TUSC3: variants seen among roughly 807,000 people sequenced by gnomAD.
TUSC3 encodes tumor suppressor candidate 3.
A neutral mutation model predicts 44.8 loss-of-function variants in TUSC3; 45 were observed. The ratio of observed to expected loss-of-function variants is 1.00; its 90% CI spans 0.79 to 1.29. The LOEUF (loss-of-function observed/expected upper bound fraction) is 1.29, where lower values mean the gene tolerates loss of function less well. TUSC3 is among the 50% of genes most tolerant of loss of function. The pLI, the probability that TUSC3 is intolerant of heterozygous loss-of-function variation, is 0.00. For missense variants in TUSC3, 519 were observed against 437.9 expected, an observed-to-expected ratio of 1.19 and a Z score of -1.65; for synonymous variants, 212 against 152.9, an observed-to-expected ratio of 1.39 and a Z score of -2.85.
At chr8:15,607,747 A>G (rs552699601) in intron 1 of TUSC3, among the ~76,000 whole-genome samples, 99 of 152,290 alleles carry the variant, frequency 6.5e-4, no homozygotes, top group Middle Eastern at 6.8e-3. Flanking sequence ...CCTTCCTTCA[A>G]TATGCATAAC....
intron 6 of TUSC3, among the ~76,000 whole-genome samples, chr8:15,697,822 A>G (rs1159356655): frequency 2.0e-5 from 3 of 152,218 alleles, no homozygotes; most frequent in African/African-American, 7.2e-5. Context: ...TTACGTAGTA[A>G]CTAGCAGACT....
chr8:15,437,706 C>T (rs1195597407), intron 1 of TUSC3, among the ~76,000 whole-genome samples: 8 of 152,170 alleles, frequency 5.3e-5, no homozygotes, highest in Admixed American at 3.9e-4. Flanking sequence ...GCCCTGTATC[C>T]TTCCAGCTGC....
At chr8:15,585,604 A>G (rs1329752192) in intron 1 of TUSC3, among the ~76,000 whole-genome samples, 2 of 152,124 alleles carry the variant, frequency 1.3e-5, no homozygotes, top group Non-Finnish European at 2.9e-5. Flanking sequence ...CTGTCTTCCT[A>G]ATGTGCCTGT....
chr8:15,586,997 A>G (rs770130975), intron 1 of TUSC3, among the ~76,000 whole-genome samples: 1 of 152,160 alleles, frequency 6.6e-6, no homozygotes, highest in Non-Finnish European at 1.5e-5. Context: ...GGGGGATTAC[A>G]CTTTGAAAAC....
chr8:15,695,797 GC>G (rs1405094592), intron 6 of TUSC3, among the ~76,000 whole-genome samples: 3 of 152,154 alleles, frequency 2.0e-5, no homozygotes, highest in Admixed American at 6.5e-5. Flanking sequence ...TTACGTTTTA[GC>G]AGAGACAGGT....
intron 1 of TUSC3, among the ~76,000 whole-genome samples, chr8:15,440,125 C>T (rs76912619): frequency 0.012 from 1,879 of 152,260 alleles, 40 homozygotes; most frequent in African/African-American, 0.043. Context: ...AGGAACATTT[C>T]TATGATTTTG....
At chr8:15,543,014 C>G (rs73538414) in intron 1 of TUSC3, among the ~76,000 whole-genome samples, 3,958 of 152,264 alleles carry the variant, frequency 0.026, 193 homozygotes, top group African/African-American at 0.089. Flanking sequence ...ATCTGGTACT[C>G]ACTAAGTTCA....
intron 6 of TUSC3, among the ~76,000 whole-genome samples, chr8:15,677,261 G>A (rs1403606810): frequency 1.3e-5 from 2 of 152,072 alleles, no homozygotes; most frequent in Non-Finnish European, 2.9e-5. Flanking sequence ...TGGCCTCCCT[G>A]AGTTCTCGGA....
chr8:15,514,911 G>T (rs761206952), intron 2 of TUSC3, among the ~76,000 whole-genome samples: 2 of 152,140 alleles, frequency 1.3e-5, no homozygotes, highest in African/African-American at 2.4e-5. Flanking sequence ...TTTTATAGTT[G>T]TGGTTAAGAT....
At chr8:15,469,180 T>C (rs963894700) in intron 1 of TUSC3, among the ~76,000 whole-genome samples, 3 of 152,186 alleles carry the variant, frequency 2.0e-5, no homozygotes, top group African/African-American at 7.2e-5. Context: ...TCATTAAAAT[T>C]AAACTTCTTC....
the TUSC3 span, among the ~76,000 whole-genome samples, chr8:15,851,886 A>T: frequency 1.3e-5 from 2 of 152,198 alleles, no homozygotes; most frequent in South Asian, 4.1e-4. Flanking sequence ...ATCATTGGGG[A>T]GGATTCCCCC....
intron 1 of TUSC3, among the ~76,000 whole-genome samples, chr8:15,589,921 C>T (rs564070351): frequency 4.6e-5 from 7 of 152,208 alleles, no homozygotes; most frequent in African/African-American, 4.8e-5. Flanking sequence ...TAGGAAAGAA[C>T]GGATCAACTT....
intron 8 of TUSC3, among the ~76,000 whole-genome samples, chr8:15,748,067 A>C (rs1413814051): frequency 6.6e-6 from 1 of 152,132 alleles, no homozygotes; most frequent in Non-Finnish European, 1.5e-5. Flanking sequence ...GGGGCATGTT[A>C]GTACTTGTAA....
chr8:15,554,972 G>T (rs1045608261), intron 1 of TUSC3, among the ~76,000 whole-genome samples: 2 of 151,342 alleles, frequency 1.3e-5, no homozygotes, highest in South Asian at 2.1e-4. Context: ...GCAATGAAGC[G>T]CTGCTAAATC....
chr8:15,737,341 A>G (rs1158746263), intron 7 of TUSC3, among the ~76,000 whole-genome samples: 2 of 152,168 alleles, frequency 1.3e-5, no homozygotes, highest in East Asian at 1.9e-4. Context: ...TAAACTTAGC[A>G]TATGCAATTG....
the TUSC3 span, among the ~76,000 whole-genome samples, chr8:15,775,772 A>G: frequency 8.3e-6 from 1 of 121,178 alleles, no homozygotes; most frequent in Non-Finnish European, 1.8e-5. Context: ...ATATATATAT[A>G]TATATCTTCC....
chr8:15,551,863 G>A (rs1032563764), intron 1 of TUSC3, among the ~76,000 whole-genome samples: 10 of 151,656 alleles, frequency 6.6e-5, no homozygotes, highest in East Asian at 1.9e-4. Flanking sequence ...TTGAGTTAGC[G>A]TCATAGCATT....
At chr8:15,732,462 G>A (rs775839413) in intron 7 of TUSC3, among the ~76,000 whole-genome samples, 4 of 152,016 alleles carry the variant, frequency 2.6e-5, no homozygotes, top group Admixed American at 6.5e-5. Context: ...CTGTGAGTCC[G>A]TTAAACCTTT....
chr8:15,662,684 T>G (rs1646494429), intron 5 of TUSC3, among the ~76,000 whole-genome samples: 1 of 152,006 alleles, frequency 6.6e-6, no homozygotes, highest in Admixed American at 6.6e-5. Flanking sequence ...ATCTTCTATG[T>G]GACTGATATA....
Sources: gnomAD v4.1 joint callset for allele counts (sites outside exome capture counted in the v4.1 genomes callset) on GRCh38, gnomAD v4.1.1 for gene constraint, MANE v1.5 for transcripts, NCBI Gene and HGNC (gene_info 2026-07-23, HGNC 2026-07-21) for gene names.